The following ZBTB20 variants were observed in gnomAD, a reference collection of about 807,000 sequenced individuals.
ZBTB20 encodes the protein zinc finger and BTB domain containing 20.
ZBTB20 carries 9 observed loss-of-function variants against 56.9 expected under a neutral mutation model. The observed-to-expected ratio is 0.16, with a 90% CI of 0.10 to 0.28. The LOEUF is 0.28. Among genes scored for constraint, ZBTB20 ranks in the 10% least tolerant of loss-of-function variants. ZBTB20 has a pLI of 1.00. For missense variants in ZBTB20, 655 were observed against 1,003.0 expected (o/e 0.65, Z 4.69); for synonymous variants, 417 against 420.7 (o/e 0.99, Z 0.11).
intron 10 of ZBTB20, among the ~76,000 whole-genome samples, chr3:114,368,437 G>A (rs899451631): frequency 6.6e-6 from 1 of 152,178 alleles, no homozygotes; most frequent in Non-Finnish European, 1.5e-5. Flanking sequence ...GGACCCGAGA[G>A]GACATCAGGA....
intron 2 of ZBTB20, among the ~76,000 whole-genome samples, chr3:115,033,818 T>C (rs190964211): frequency 1.3e-5 from 2 of 151,714 alleles, no homozygotes; most frequent in Non-Finnish European, 3.0e-5. Flanking sequence ...CAGACCAATA[T>C]CTCTTATGAG....
intron 6 of ZBTB20, among the ~76,000 whole-genome samples, chr3:114,602,411 T>C (rs1038076675): frequency 6.6e-6 from 1 of 152,062 alleles, no homozygotes; most frequent in African/African-American, 2.4e-5. Flanking sequence ...CTCTGAGATC[T>C]CCTTACACAT....
chr3:114,760,399 T>C (rs918263085), intron 5 of ZBTB20, among the ~76,000 whole-genome samples: 9 of 152,226 alleles, frequency 5.9e-5, no homozygotes, highest in African/African-American at 1.7e-4. Flanking sequence ...TACATAAACA[T>C]GTAGGATGGG....
chr3:114,706,118 T>C (rs13072722), intron 5 of ZBTB20, among the ~76,000 whole-genome samples: 104,162 of 151,912 alleles, frequency 0.69, 39,306 homozygotes, highest in Non-Finnish European at 0.85. Flanking sequence ...AGACTTGAGT[T>C]TGAATCCCAG....
At chr3:114,680,372 T>C (rs549891199) in intron 6 of ZBTB20, among the ~76,000 whole-genome samples, 2 of 152,358 alleles carry the variant, frequency 1.3e-5, no homozygotes, top group East Asian at 3.9e-4. Context: ...AGTATCTATT[T>C]CACTCTATTT....
chr3:114,413,479 T>C (rs947488149), intron 7 of ZBTB20, among the ~76,000 whole-genome samples: 8 of 152,134 alleles, frequency 5.3e-5, no homozygotes, highest in South Asian at 2.1e-4. Flanking sequence ...TGGAGGAAAA[T>C]AACTCTAATT....
intron 2 of ZBTB20, among the ~76,000 whole-genome samples, chr3:115,034,232 G>T (rs531179712): frequency 6.6e-6 from 1 of 151,552 alleles, no homozygotes; most frequent in African/African-American, 2.4e-5. Context: ...AGTCAGAGCA[G>T]TTAATTAGGA....
chr3:115,065,024 T>C (rs2082157725), intron 2 of ZBTB20, among the ~76,000 whole-genome samples: 2 of 152,308 alleles, frequency 1.3e-5, no homozygotes, highest in South Asian at 4.1e-4. Flanking sequence ...AACAGTTTCC[T>C]CCCTATCATT....
chr3:115,022,469 G>A (rs940184437), intron 2 of ZBTB20, among the ~76,000 whole-genome samples: 1 of 150,990 alleles, frequency 6.6e-6, no homozygotes, highest in Non-Finnish European at 1.5e-5. Context: ...TATTTTCACT[G>A]ACAACTGCTC....
At chr3:114,434,541 G>GGGGTGTGTGTGTGTGTTTTTGT (rs1553711977) in intron 7 of ZBTB20, among the ~76,000 whole-genome samples, 2 of 85,736 alleles carry the variant, frequency 2.3e-5, no homozygotes, top group South Asian at 8.5e-4. Context: ...CTGCAATTGG[G>GGGGTGTGTGTGTGTGTTTTTGT]GTGTGTGTGT....
intron 6 of ZBTB20, among the ~76,000 whole-genome samples, chr3:114,559,986 CCAGA>C (rs1157367312): frequency 3.3e-5 from 5 of 151,982 alleles, no homozygotes; most frequent in Admixed American, 2.6e-4. Flanking sequence ...TTCTTAGGCA[CCAGA>C]CAGACAATAT....
intron 5 of ZBTB20, among the ~76,000 whole-genome samples, chr3:114,723,696 G>A (rs757509980): frequency 3.3e-5 from 5 of 152,086 alleles, no homozygotes; most frequent in Non-Finnish European, 7.4e-5. Context: ...TAGAGTTGAG[G>A]ACCAGAGTCA....
chr3:114,526,369 T>C (rs937660156), intron 6 of ZBTB20, among the ~76,000 whole-genome samples: 10 of 152,244 alleles, frequency 6.6e-5, no homozygotes, highest in African/African-American at 1.9e-4. Flanking sequence ...AGATATTGAA[T>C]AAGTATCATT....
At position 115,109,900 on chromosome 3, in the gene ZBTB20, C is replaced by T. The variant is rs533706403; in HGVS notation, c.-703+37319G>A. ...GCGATGAAAGAAACATACCATGAACCAGTTTGATTAAAGAGTTGGAAACAT... is the reference window on the plus strand; with the variant it reads ...GCGATGAAAGAAACATACCATGAACTAGTTTGATTAAAGAGTTGGAAACAT... On this transcript the variant is annotated intron_variant, in intron 1 of 11. Coordinates refer to ENST00000675478, the MANE Select transcript of ZBTB20 (RefSeq NM_001348800.3). Among the ~76,000 whole-genome samples the T allele has an allele frequency of 3.3e-5, 5 of 152,096 alleles. No individual in the cohort carries two copies. The South Asian group carries it at 1.0e-3, about 32-fold the overall frequency.
intron 6 of ZBTB20, among the ~76,000 whole-genome samples, chr3:114,565,731 C>T (rs1257619020): frequency 6.6e-6 from 1 of 152,104 alleles, no homozygotes. Context: ...CCTAATGTCA[C>T]TACTGCATTG....
intron 1 of ZBTB20, among the ~76,000 whole-genome samples, chr3:115,074,579 AC>A (rs2082528031): frequency 6.6e-6 from 1 of 152,206 alleles, no homozygotes; most frequent in Admixed American, 6.5e-5. Context: ...GAAATAGCAT[AC>A]ACCTCCTGCC....
intron 5 of ZBTB20, among the ~76,000 whole-genome samples, chr3:114,794,388 T>C (rs1194616896): frequency 1.3e-5 from 2 of 152,118 alleles, no homozygotes; most frequent in Non-Finnish European, 2.9e-5. Flanking sequence ...TTTGATCACA[T>C]ATTAGCTGGT....
Position 114,787,368 on chromosome 3 carries a change from T to TATATATATATACATAC in ZBTB20, c.-343+13732_-343+13733insGTATGTATATATATAT, listed in dbSNP as rs1433434685. Reference sequence around the variant, plus strand: ...ATATATATATATATATATATATATATACACACACACACACACACACACACA... The same window carrying TATATATATATACATAC: ...ATATATATATATATATATATATATATATATATATATACATACACACACACACACACACACACACACA... On this transcript the variant is annotated intron_variant, in intron 5 of 11. Transcript: ENST00000675478. Among the ~76,000 whole-genome samples, 47 of 106,300 alleles carry TATATATATATACATAC rather than the reference T, an allele frequency of 4.4e-4. 1 individual carries two copies. The highest frequency in any genetic ancestry group is 2.1e-3 in the African/African-American group (46 of 22,040). 69.7% of individuals were successfully genotyped at this position (106,300 alleles called of 152,430 possible). A position where few individuals can be genotyped will look rare whatever the true frequency, so the allele number is the denominator to read the frequency against.
chr3:114,988,710 C>T (rs910686417), intron 2 of ZBTB20, among the ~76,000 whole-genome samples: 6 of 152,106 alleles, frequency 3.9e-5, no homozygotes, highest in Admixed American at 1.3e-4. Flanking sequence ...AGTTTACAGT[C>T]CCACCAACAG....
Sources: gnomAD v4.1 joint callset for allele counts (sites outside exome capture counted in the v4.1 genomes callset) on GRCh38, gnomAD v4.1.1 for gene constraint, MANE v1.5 for transcripts, NCBI Gene and HGNC (gene_info 2026-07-23, HGNC 2026-07-21) for gene names.